MCMBP: variants seen among roughly 807,000 people sequenced by gnomAD.
The protein encoded by MCMBP is minichromosome maintenance complex binding protein.
In MCMBP, 31 loss-of-function variants were observed where a neutral mutation model predicts 81.3. The ratio of observed to expected loss-of-function variants is 0.38; its 90% CI spans 0.29 to 0.51. The LOEUF is 0.51. MCMBP is among the 20% of genes least tolerant of loss of function. The probability of loss-of-function intolerance (pLI) is 0.87; values close to 1 mark genes in which losing one functional copy is unlikely to be tolerated. For synonymous variants in MCMBP, 267 were observed against 275.9 expected, an observed-to-expected ratio of 0.97 and a Z score of 0.32; for missense variants, 645 against 772.1, an observed-to-expected ratio of 0.84 and a Z score of 1.95.
At chr10:119,871,387 T>C (rs1589806398) in intron 1 of MCMBP, among the ~76,000 whole-genome samples, 1 of 152,270 alleles carries the variant, frequency 6.6e-6, no homozygotes, top group East Asian at 1.9e-4. Context: ...AATTTCTTCA[T>C]CAGGCTGTCA....
intron 11 of MCMBP, among the ~76,000 whole-genome samples, chr10:119,838,943 TTTTAA>T (rs1214337166): frequency 2.0e-5 from 3 of 152,326 alleles, no homozygotes; most frequent in East Asian, 1.9e-4. Context: ...TGAAAATCAA[TTTTAA>T]TTTAACCAAT....
Position 119,834,139 on chromosome 10 carries a change from A to C in MCMBP, c.1707+1401T>G, listed in dbSNP as rs138431803. Among the ~76,000 whole-genome samples, 687 of 152,334 alleles carry C rather than the reference A, an allele frequency of 4.5e-3. 3 individuals are homozygous for C. The highest frequency in any genetic ancestry group is 0.016 in the African/African-American group (663 of 41,570). On this transcript the variant is annotated intron_variant, in intron 14 of 15. Transcript: ENST00000369077. ...ATCAGATACACAGTGGTAGTGTCAG[A>C]AGGAGAGCAGAGAGAAATGAGGCAG...
At chr10:119,832,898 G>A (rs1282878266) in intron 14 of MCMBP, among the ~76,000 whole-genome samples, 2 of 152,192 alleles carry the variant, frequency 1.3e-5, no homozygotes, top group Admixed American at 6.5e-5. Context: ...GAAATGACAT[G>A]TCTGTAGAGG....
rs887166689 is a variant in MCMBP at position 119,835,656 on chromosome 10, C to T, written c.1591G>A (p.Glu531Lys). ...LQPQLIPPNM[E>K]EYMNSLLSAV... The stretch of plus-strand genomic sequence containing the variant: ...GAGAGAAGGCTGTTCATGTACTCCT[C>T]CATGTTTGGTGGAATTAGCTGGGGC... Residue 531 changes from glutamate (E) to lysine (K), a missense_variant, in exon 14 of 16, where the codon GAG becomes AAG. Physicochemically the swap from Glu to Lys is moderately conservative, Grantham distance 56. Transcript: ENST00000369077. 3.1e-6 allele frequency: 5 copies of T among 1,614,100 alleles called. No individual in the cohort carries two copies. The highest frequency in any genetic ancestry group is 4.2e-6 in the Non-Finnish European group (5 of 1,180,036).
chr10:119,850,427 G>A (rs1309959387), intron 6 of MCMBP, among the ~76,000 whole-genome samples: 1 of 152,052 alleles, frequency 6.6e-6, no homozygotes, highest in African/African-American at 2.4e-5. Context: ...CTGTGGTGGT[G>A]GTCACATGAA....
intron 4 of MCMBP, 79 bp downstream of exon 4, chr10:119,858,805 T>G: frequency 9.5e-7 from 1 of 1,051,192 alleles, no homozygotes; most frequent in Non-Finnish European, 1.4e-6. Flanking sequence ...GATAAATAAA[T>G]TTAAGATTAG....
chr10:119,843,221 G>A lies in MCMBP; in HGVS notation c.1000+33C>T, dbSNP rs1169222769. 8.1e-6 allele frequency: 13 copies of A among 1,611,672 alleles called. No homozygotes were observed. In the East Asian group the frequency reaches 2.0e-4, roughly 25 times the overall value. On this transcript the variant is annotated intron_variant, in intron 9 of 15. Coordinates refer to ENST00000369077, the MANE Select transcript of MCMBP (RefSeq NM_001256378.2). ...TCTGGACACACTGAGGCTAACAGTC[G>A]ATAGTTGACTAGGCTGTAACACTTA...
At chr10:119,832,387 C>T (rs567878782) in intron 14 of MCMBP, among the ~76,000 whole-genome samples, 22 of 152,016 alleles carry the variant, frequency 1.4e-4, no homozygotes, top group Non-Finnish European at 2.4e-4. Context: ...GAGAAGGGAC[C>T]GCAGAAAACT....
At chr10:119,832,406 T>C (rs1852081755) in intron 14 of MCMBP, among the ~76,000 whole-genome samples, 1 of 152,182 alleles carries the variant, frequency 6.6e-6, no homozygotes, top group Non-Finnish European at 1.5e-5. Flanking sequence ...CTGTCTCTAC[T>C]GTTAACACTG....
At position 119,831,235 on chromosome 10, in the gene MCMBP, A is replaced by C. The variant is rs1433272962; in HGVS notation, c.*239T>G. 1 of 257,186 alleles carries C rather than the reference A, an allele frequency of 3.9e-6. No individual in the cohort carries two copies. Among genetic ancestry groups the C allele is most frequent in the Non-Finnish European group, 7.2e-6 (1 of 138,000 alleles). 15.9% of individuals were successfully genotyped at this position (257,186 alleles called of 1,614,324 possible). A position where few individuals can be genotyped will look rare whatever the true frequency, so the allele number is the denominator to read the frequency against. On this transcript the variant is annotated 3_prime_UTR_variant, in exon 16 of 16. Transcript: ENST00000369077. The stretch of plus-strand genomic sequence containing the variant: ...ACTTTTAATATCAAATACTTTTTTT[A>C]CATCATTACTAATTTATATAATTAT...
At chr10:119,857,276 ATAATTAAAGGC>A (rs1408307186) in intron 5 of MCMBP, 51 bp downstream of exon 5, 1 of 1,206,680 alleles carries the variant, frequency 8.3e-7, no homozygotes, top group Non-Finnish European at 1.2e-6. Flanking sequence ...CAAAGGAAGA[ATAATTAAAGGC>A]TAAGTTTTTA....
chr10:119,849,411 A>G lies in MCMBP; in HGVS notation c.726+14T>C, dbSNP rs1423404762. The stretch of plus-strand genomic sequence containing the variant: ...ATAACATTTCAGTGTTGGATCTACG[A>G]AAGGTTTTATTACCTTCACAAGGCA... On this transcript the variant is annotated intron_variant, in intron 7 of 15. Transcript: ENST00000369077. 1.9e-6 allele frequency: 3 copies of G among 1,598,076 alleles called. No individual in the cohort carries two copies. The highest frequency in any genetic ancestry group is 2.3e-5 in the East Asian group (1 of 44,146).
intron 1 of MCMBP, among the ~76,000 whole-genome samples, chr10:119,861,407 G>A (rs1260002996): frequency 6.6e-6 from 1 of 152,026 alleles, no homozygotes; most frequent in East Asian, 1.9e-4. Context: ...GCCCAACCCC[G>A]AACCACAGAA....
intron 1 of MCMBP, among the ~76,000 whole-genome samples, chr10:119,862,305 C>T (rs12779095): frequency 0.055 from 8,307 of 151,346 alleles, 423 homozygotes; most frequent in South Asian, 0.27. Context: ...GAATCTTCGT[C>T]CCCCCCCACA....
chr10:119,866,141 TGAACCATGAAA>T (rs1853442770), intron 1 of MCMBP, among the ~76,000 whole-genome samples: 1 of 149,502 alleles, frequency 6.7e-6, no homozygotes, highest in Non-Finnish European at 1.5e-5. Context: ...ATGACATGGA[TGAACCATGAAA>T]ATATCATGGT....
intron 14 of MCMBP, among the ~76,000 whole-genome samples, chr10:119,833,607 T>G (rs950236313): frequency 7.3e-6 from 1 of 137,068 alleles, no homozygotes; most frequent in Non-Finnish European, 1.6e-5. Context: ...AGTTTAAGGC[T>G]GCAGTGAGCT....
chr10:119,851,335 T>C (rs1852818653), intron 6 of MCMBP, among the ~76,000 whole-genome samples: 1 of 152,164 alleles, frequency 6.6e-6, no homozygotes, highest in East Asian at 1.9e-4. Flanking sequence ...CAAACAAGAA[T>C]GGTAAGAAAT....
chr10:119,846,135 G>A (rs945831016), intron 8 of MCMBP, among the ~76,000 whole-genome samples: 1 of 152,104 alleles, frequency 6.6e-6, no homozygotes, highest in African/African-American at 2.4e-5. Flanking sequence ...CAAAGCATAC[G>A]ATGAAGCTGC....
chr10:119,867,011 G>A (rs903133967), intron 1 of MCMBP, among the ~76,000 whole-genome samples: 1 of 151,772 alleles, frequency 6.6e-6, no homozygotes, highest in African/African-American at 2.4e-5. Context: ...GGTTACTTCA[G>A]GCAGGGCACG....
Sources: allele counts gnomAD v4.1 joint callset (sites outside exome capture counted in the v4.1 genomes callset), GRCh38; gene constraint gnomAD v4.1.1; transcripts MANE v1.5; gene names NCBI Gene and HGNC (gene_info 2026-07-23, HGNC 2026-07-21).